Variants in WDR73 observed in about 807,000 individuals in gnomAD.
WDR73 encodes WD repeat domain 73.
Under a neutral mutation model 38.2 loss-of-function variants are expected in WDR73, and 30 were observed. The observed-to-expected ratio is 0.79, with a 90% CI of 0.59 to 1.06. WDR73 has a LOEUF of 1.06. Among genes scored for constraint, WDR73 ranks in the 50% least tolerant of loss-of-function variants. The pLI is 0.00. For missense variants in WDR73, 487 were observed against 467.0 expected (o/e 1.04, Z -0.40); for synonymous variants, 197 against 176.0 (o/e 1.12, Z -0.94).
intron 4 of WDR73, 157 bp from the exon 5 acceptor site, chr15:84,648,111 G>GAGC (rs1224244678): frequency 1.0e-5 from 7 of 687,406 alleles, no homozygotes; most frequent in Non-Finnish European, 1.6e-5. Flanking sequence ...CACAGATAAG[G>GAGC]AGCAGGCTCA....
rs867244317 is a variant in WDR73, at chr15:84,653,776, G to C, written c.42-77C>G. ...AGAACTCCAAGATGGCAGCCGCATG[G>C]TTCAGTGGCCCAAACTCTGGAGTCA... On this transcript the variant is annotated intron_variant, in intron 1 of 7. Transcript: ENST00000434634. 45 of 1,179,068 alleles carry C rather than the reference G, an allele frequency of 3.8e-5. No individual in the cohort carries two copies. In the Middle Eastern group the frequency reaches 1.3e-3, roughly 34 times the overall value. 73.0% of individuals were successfully genotyped at this position (1,179,068 alleles called of 1,614,324 possible). A position where few individuals can be genotyped will look rare whatever the true frequency, so the allele number is the denominator to read the frequency against.
chr15:84,652,088 G>GAACTCCTGACCTCATGATCCGCCC, intron 3 of WDR73, among the ~76,000 whole-genome samples: 1 of 152,194 alleles, frequency 6.6e-6, no homozygotes, highest in African/African-American at 2.4e-5. Flanking sequence ...GGATGGTCCC[G>GAACTCCTGACCTCATGATCCGCCC]AACTCCTGAC....
chr15:84,652,056 C>T (rs1183756667), intron 3 of WDR73, among the ~76,000 whole-genome samples: 4 of 152,138 alleles, frequency 2.6e-5, no homozygotes, highest in Admixed American at 6.5e-5. Flanking sequence ...TTAGTAGAGA[C>T]GGGGTTTCAC....
intron 2 of WDR73, chr15:84,653,267 A>C: frequency 4.2e-6 from 1 of 236,816 alleles, no homozygotes; most frequent in Non-Finnish European, 8.5e-6. Context: ...TCCTGGGTTC[A>C]AGTGATTCTC....
rs377140242 is a variant in WDR73 at position 84,651,679 on chromosome 15, T to A, written c.198+1035A>T. On this transcript the variant is annotated intron_variant, in intron 3 of 7. Coordinates refer to ENST00000434634, the MANE Select transcript of WDR73 (RefSeq NM_032856.5). ...CTAACTCTGCTCAAGCCTCTGTGTT[T>A]AGGAAACCTTCCCTCAGATCTGTGT... Among the ~76,000 whole-genome samples, 294 of 152,320 alleles carry A rather than the reference T, an allele frequency of 1.9e-3. 3 individuals carry two copies. The highest frequency in any genetic ancestry group is 6.6e-3 in the African/African-American group (275 of 41,568).
chr15:84,646,402 T>C, intron 5 of WDR73, 54 bp from the exon 6 acceptor site: 1 of 1,564,490 alleles, frequency 6.4e-7, no homozygotes, highest in Non-Finnish European at 8.7e-7. Flanking sequence ...GTTTGAAACA[T>C]GACAGGCTGC....
chr15:84,645,406 G>C (rs73449326), intron 7 of WDR73, 65 bp downstream of exon 7: 169 of 1,594,764 alleles, frequency 1.1e-4, no homozygotes, highest in Non-Finnish European at 1.3e-4. Context: ...GCTCCTTCCT[G>C]AGCACCCAAC....
intron 5 of WDR73, chr15:84,646,763 C>T (rs1202881422): frequency 1.1e-5 from 2 of 176,610 alleles, no homozygotes; most frequent in East Asian, 1.4e-4. Flanking sequence ...TCCATGACCT[C>T]GAGTGACTTG....
chr15:84,649,698 A>AACCTCAGGTGATCCGCCT (rs1896567139), intron 3 of WDR73, among the ~76,000 whole-genome samples: 1 of 151,926 alleles, frequency 6.6e-6, no homozygotes, highest in African/African-American at 2.4e-5. Flanking sequence ...TCGAACTCCC[A>AACCTCAGGTGATCCGCCT]ACCTCAGGTG....
chr15:84,648,684 A>C, intron 3 of WDR73, 59 bp from the exon 4 acceptor site: 1 of 1,374,794 alleles, frequency 7.3e-7, no homozygotes, highest in Non-Finnish European at 1.0e-6. Context: ...TTTCAGAGGA[A>C]CTCTAAGTGA....
chr15:84,652,595 G>C, intron 3 of WDR73, 119 bp downstream of exon 3: 1 of 572,730 alleles, frequency 1.7e-6, no homozygotes. Context: ...TAGAAGGGCA[G>C]GCCTAGCGCT....
intron 3 of WDR73, 90 bp downstream of exon 3, chr15:84,652,624 C>T: frequency 1.3e-6 from 1 of 765,908 alleles, no homozygotes; most frequent in South Asian, 2.1e-5. Context: ...TTCTAGTATC[C>T]AGGACAATAC....
rs1018784367 is a variant in WDR73 at position 84,639,882 on chromosome 15, T to C, written c.*3588A>G. The stretch of plus-strand genomic sequence containing the variant: ...CCTGTGGACCCTGGAGCAATGTTGC[T>C]ATCGGTTCAAAAACCTCCTGACCGA... On this transcript the variant is annotated 3_prime_UTR_variant, in exon 8 of 8. Transcript: ENST00000434634. 3 of 152,426 alleles carry C rather than the reference T, an allele frequency of 2.0e-5. No homozygotes were observed. Among genetic ancestry groups the C allele is most frequent in the Admixed American group, 2.0e-4 (3 of 15,290 alleles). 9.4% of individuals were successfully genotyped at this position (152,426 alleles called of 1,614,324 possible).
chr15:84,651,588 C>T (rs1340300998), intron 3 of WDR73, among the ~76,000 whole-genome samples: 2 of 152,144 alleles, frequency 1.3e-5, no homozygotes, highest in African/African-American at 2.4e-5. Context: ...GAAGCAGGAG[C>T]GTGTTCCCTG....
Position 84,641,682 on chromosome 15 carries a change from A to C in WDR73, c.*1788T>G, listed in dbSNP as rs1314178394. ...GTGTGCCACCACCATGCCCGTCTCT[A>C]ATTTTTATATTTTTAGTAGAGACGG... On this transcript the variant is annotated 3_prime_UTR_variant, in exon 8 of 8. Coordinates refer to ENST00000434634, the MANE Select transcript of WDR73 (RefSeq NM_032856.5). The C allele has an allele frequency of 6.6e-6, 1 of 151,758 alleles. No homozygotes were observed. The highest frequency in any genetic ancestry group is 1.5e-5 in the Non-Finnish European group (1 of 67,960). The allele number at this position is 151,758 out of a possible 1,614,324, so 9.4% of individuals were successfully genotyped here. A position where few individuals can be genotyped will look rare whatever the true frequency, so the allele number is the denominator to read the frequency against.
At position 84,639,425 on chromosome 15, in the gene WDR73, C is replaced by T. The variant is rs1248305293; in HGVS notation, c.*4045G>A. ...CCCCAGAATTAAAAAAAAAAAATTA[C>T]TATCTCCTCTCCCTGGCATATAAAA... On this transcript the variant is annotated 3_prime_UTR_variant, in exon 8 of 8. Coordinates refer to ENST00000434634, the MANE Select transcript of WDR73 (RefSeq NM_032856.5). 6.6e-6 allele frequency: 1 copy of T among 151,892 alleles called. No homozygotes were observed. The highest frequency in any genetic ancestry group is 1.5e-5 in the Non-Finnish European group (1 of 67,984). 9.4% of individuals were successfully genotyped at this position (151,892 alleles called of 1,614,324 possible).
rs1007799119 is a variant in WDR73, at chr15:84,652,945, G to A, written c.110-143C>T. The A allele has an allele frequency of 7.4e-6, 4 of 540,284 alleles. No homozygotes were observed. The African/African-American group carries it at 7.8e-5, about 11-fold the overall frequency. 33.5% of individuals were successfully genotyped at this position (540,284 alleles called of 1,614,324 possible). On this transcript the variant is annotated intron_variant, in intron 2 of 7. Coordinates refer to ENST00000434634, the MANE Select transcript of WDR73 (RefSeq NM_032856.5). The stretch of plus-strand genomic sequence containing the variant: ...CCTGGTTGTGTCTTTTTCAGACAAG[G>A]TCTCGCTGTGTCAGCCAGGCTGGAG...
chr15:84,650,551 G>A (rs1298786626), intron 3 of WDR73, among the ~76,000 whole-genome samples: 1 of 152,130 alleles, frequency 6.6e-6, no homozygotes, highest in African/African-American at 2.4e-5. Flanking sequence ...AGTAGAGATG[G>A]GGTTTCACCA....
At chr15:84,646,021 C>G in intron 6 of WDR73, 163 bp downstream of exon 6, 1 of 1,542,354 alleles carries the variant, frequency 6.5e-7, no homozygotes, top group Non-Finnish European at 8.7e-7. Flanking sequence ...CTGCCTAATC[C>G]TGCCCCAGCA....
Sources: allele counts gnomAD v4.1 joint callset (sites outside exome capture counted in the v4.1 genomes callset), GRCh38; gene constraint gnomAD v4.1.1; transcripts MANE v1.5; gene names NCBI Gene and HGNC (gene_info 2026-07-23, HGNC 2026-07-21).